The following ZFHX3 variants were observed in gnomAD, a reference collection of about 807,000 sequenced individuals.
ZFHX3 encodes zinc finger homeobox 3.
In ZFHX3, 42 loss-of-function variants were observed where a neutral mutation model predicts 279.1. That is an observed-to-expected ratio of 0.15 (90% confidence interval 0.12 to 0.19). ZFHX3 has a LOEUF of 0.19. Ranked by LOEUF, ZFHX3 falls within the 10% of genes least tolerant of loss-of-function variation. ZFHX3 has a pLI of 1.00. For synonymous variants in ZFHX3, 2,293 were observed against 1,957.8 expected (o/e 1.17, Z -4.52); for missense variants, 4,981 against 4,754.0 (o/e 1.05, Z -1.40).
At chr16:73,227,521 C>T (rs966101367) in intron 5 of ZFHX3, among the ~76,000 whole-genome samples, 2 of 151,984 alleles carry the variant, frequency 1.3e-5, no homozygotes, top group African/African-American at 4.8e-5. Context: ...GTCATAGCTG[C>T]TGGATTACAG....
At chr16:73,355,109 G>A (rs550119291) in intron 3 of ZFHX3, among the ~76,000 whole-genome samples, 4 of 152,236 alleles carry the variant, frequency 2.6e-5, no homozygotes, top group Admixed American at 1.3e-4. Context: ...CGGGGGATAC[G>A]TGTTCCATTA....
At chr16:72,939,105 A>G (rs915380687) in intron 3 of ZFHX3, among the ~76,000 whole-genome samples, 2 of 152,176 alleles carry the variant, frequency 1.3e-5, no homozygotes, top group Admixed American at 1.3e-4. Context: ...TTATTTTAGA[A>G]AACAAGAGAC....
chr16:73,623,039 AT>A (rs11341882), intron 2 of ZFHX3, among the ~76,000 whole-genome samples: 105,823 of 148,980 alleles, frequency 0.71, 38,007 homozygotes, highest in Middle Eastern at 0.89. Flanking sequence ...GGCACATTGT[AT>A]TTTTTTTTTT....
chr16:73,233,055 G>C (rs2012826426), intron 5 of ZFHX3: 1 of 140,790 alleles, frequency 7.1e-6, no homozygotes, highest in Admixed American at 7.6e-5. Context: ...TTAAGAAAGG[G>C]ATTACTGGAA....
intron 1 of ZFHX3, among the ~76,000 whole-genome samples, chr16:73,839,498 C>T (rs541488943): frequency 6.6e-6 from 1 of 152,194 alleles, no homozygotes; most frequent in South Asian, 2.1e-4. Flanking sequence ...CATTCCCCTA[C>T]CTAAGCAATC....
intron 2 of ZFHX3, among the ~76,000 whole-genome samples, chr16:73,657,952 G>T (rs551699694): frequency 6.6e-5 from 10 of 152,128 alleles, no homozygotes; most frequent in Non-Finnish European, 1.5e-4. Flanking sequence ...TTTCTCTTGG[G>T]TATATGTTGA....
At chr16:72,966,597 G>C (rs1961853500) in intron 1 of ZFHX3, among the ~76,000 whole-genome samples, 1 of 152,290 alleles carries the variant, frequency 6.6e-6, no homozygotes, top group South Asian at 2.1e-4. Context: ...AACCACTCCA[G>C]GGAATCTCCT....
chr16:73,266,475 G>A (rs2013978949), intron 4 of ZFHX3, among the ~76,000 whole-genome samples: 1 of 152,112 alleles, frequency 6.6e-6, no homozygotes, highest in South Asian at 2.1e-4. Context: ...CATGACGAGA[G>A]GTGTTAGCAT....
chr16:72,977,591 G>GA (rs996450570), intron 1 of ZFHX3, among the ~76,000 whole-genome samples: 4 of 68,752 alleles, frequency 5.8e-5, no homozygotes, highest in Non-Finnish European at 1.6e-4. Flanking sequence ...TGGGTCAGTG[G>GA]GGGGAAAAAA....
chr16:73,068,229 G>A (rs1680658776), intron 8 of ZFHX3, among the ~76,000 whole-genome samples: 1 of 152,208 alleles, frequency 6.6e-6, no homozygotes, highest in Non-Finnish European at 1.5e-5. Flanking sequence ...TTGAACCTGG[G>A]CCTGTCAGGC....
intron 5 of ZFHX3, among the ~76,000 whole-genome samples, chr16:73,217,004 T>G (rs2012235127): frequency 6.6e-6 from 1 of 152,198 alleles, no homozygotes; most frequent in South Asian, 2.1e-4. Context: ...AGCCTGATCC[T>G]TGCTCTAATG....
chr16:73,303,668 C>T (rs2015109819), intron 4 of ZFHX3, among the ~76,000 whole-genome samples: 1 of 152,148 alleles, frequency 6.6e-6, no homozygotes, highest in African/African-American at 2.4e-5. Context: ...ATTTATAGGA[C>T]AATTTAGGTC....
chr16:73,028,864 T>C (rs1409184676), intron 1 of ZFHX3, among the ~76,000 whole-genome samples: 1 of 152,264 alleles, frequency 6.6e-6, no homozygotes, highest in Non-Finnish European at 1.5e-5. Context: ...GGGAAACCTT[T>C]TCGGCAACAA....
chr16:73,007,197 T>C (rs1436432027), intron 1 of ZFHX3, among the ~76,000 whole-genome samples: 1 of 152,242 alleles, frequency 6.6e-6, no homozygotes, highest in Non-Finnish European at 1.5e-5. Context: ...ATTCAATCTG[T>C]GACTGTTTTA....
intron 1 of ZFHX3, among the ~76,000 whole-genome samples, chr16:73,789,646 G>C (rs962261983): frequency 6.6e-6 from 1 of 152,104 alleles, no homozygotes; most frequent in Admixed American, 6.6e-5. Context: ...TATGTGTGGG[G>C]TGCTTTTAGA....
At chr16:73,854,027 A>G (rs1210366015) in intron 1 of ZFHX3, among the ~76,000 whole-genome samples, 1 of 152,166 alleles carries the variant, frequency 6.6e-6, no homozygotes. Flanking sequence ...CCTTTCAGCT[A>G]AGCACAAACA....
intron 3 of ZFHX3, among the ~76,000 whole-genome samples, chr16:72,898,385 T>C (rs2038950134): frequency 6.6e-6 from 1 of 152,234 alleles, no homozygotes; most frequent in Non-Finnish European, 1.5e-5. Flanking sequence ...GATTGCTCAC[T>C]CTCCGTATCC....
intron 5 of ZFHX3, among the ~76,000 whole-genome samples, chr16:73,249,612 A>G (rs1325106916): frequency 1.3e-5 from 2 of 152,208 alleles, no homozygotes; most frequent in Non-Finnish European, 2.9e-5. Context: ...CATGGGAATT[A>G]CGGGAGCTAC....
At chr16:73,614,193 C>T (rs953653989) in intron 2 of ZFHX3, among the ~76,000 whole-genome samples, 6 of 152,174 alleles carry the variant, frequency 3.9e-5, no homozygotes, top group Admixed American at 1.3e-4. Context: ...CACACGTGAA[C>T]GTATGTGATG....
Sources: allele counts gnomAD v4.1 joint callset (sites outside exome capture counted in the v4.1 genomes callset), GRCh38; gene constraint gnomAD v4.1.1; transcripts MANE v1.5; gene names NCBI Gene and HGNC (gene_info 2026-07-23, HGNC 2026-07-21).